The following RGS7 variants were observed in gnomAD, a reference collection of about 807,000 sequenced individuals.
RGS7 encodes the protein regulator of G-protein signaling 7.
In RGS7, 27 loss-of-function variants were observed where a neutral mutation model predicts 81.1. The observed-to-expected ratio is 0.33, with a 90% confidence interval of 0.25 to 0.46. RGS7 has a LOEUF of 0.46. Among genes scored for constraint, RGS7 ranks in the 20% least tolerant of loss-of-function variants. The pLI is 1.00. For synonymous variants in RGS7, 208 were observed against 207.7 expected (o/e 1.00, Z -0.01); for missense variants, 396 against 607.4 (o/e 0.65, Z 3.66).
intron 2 of RGS7, among the ~76,000 whole-genome samples, chr1:241,255,363 T>C (rs2077011768): frequency 1.3e-5 from 2 of 152,192 alleles, no homozygotes; most frequent in Admixed American, 6.5e-5. Context: ...TTCCAACTCA[T>C]CATTGACAGG....
chr1:240,971,119 T>G (rs1165902826), intron 4 of RGS7, among the ~76,000 whole-genome samples: 1 of 152,192 alleles, frequency 6.6e-6, no homozygotes, highest in Non-Finnish European at 1.5e-5. Flanking sequence ...ACAGCCCTTA[T>G]GAATGGAATT....
At chr1:240,895,040 A>G (rs951122526) in intron 6 of RGS7, among the ~76,000 whole-genome samples, 1 of 152,128 alleles carries the variant, frequency 6.6e-6, no homozygotes, top group African/African-American at 2.4e-5. Context: ...GGGCTGTCCC[A>G]TGATAGTGAG....
At chr1:240,928,604 A>ATT (rs769378768) in intron 6 of RGS7, among the ~76,000 whole-genome samples, 15 of 134,920 alleles carry the variant, frequency 1.1e-4, no homozygotes, top group South Asian at 7.0e-4. Context: ...TTTCTTTATA[A>ATT]TTTTTTTTTT....
intron 4 of RGS7, among the ~76,000 whole-genome samples, chr1:240,982,749 G>T (rs945984509): frequency 3.9e-5 from 6 of 152,266 alleles, no homozygotes; most frequent in African/African-American, 1.4e-4. Context: ...TAGAAGGAAA[G>T]TTCATTAATT....
At chr1:241,269,085 G>A (rs1431927476) in intron 2 of RGS7, among the ~76,000 whole-genome samples, 2 of 152,166 alleles carry the variant, frequency 1.3e-5, no homozygotes, top group African/African-American at 2.4e-5. Context: ...GAGTGATATT[G>A]ATCACTTATA....
intron 12 of RGS7, among the ~76,000 whole-genome samples, chr1:240,814,308 T>C (rs1188806411): frequency 1.3e-5 from 2 of 152,234 alleles, no homozygotes; most frequent in Non-Finnish European, 2.9e-5. Flanking sequence ...TTGAGTTTCA[T>C]TCATATTCTG....
intron 2 of RGS7, among the ~76,000 whole-genome samples, chr1:241,247,236 C>A (rs1375744459): frequency 6.6e-6 from 1 of 152,096 alleles, no homozygotes; most frequent in Non-Finnish European, 1.5e-5. Context: ...TTGAATCAAG[C>A]CTTTAATTTG....
At chr1:241,105,707 A>G (rs1158567819) in intron 2 of RGS7, among the ~76,000 whole-genome samples, 1 of 152,236 alleles carries the variant, frequency 6.6e-6, no homozygotes, top group African/African-American at 2.4e-5. Flanking sequence ...CATTAAGCCA[A>G]TCGCTTTACA....
chr1:240,801,401 G>T, intron 17 of RGS7, 54 bp downstream of exon 17: 3 of 1,231,776 alleles, frequency 2.4e-6, no homozygotes, highest in Non-Finnish European at 3.5e-6. Flanking sequence ...TAGGGAAATT[G>T]GAAAAATTTC....
At position 241,327,017 on chromosome 1, in the gene RGS7, A is replaced by AG. The variant is rs1270772364; in HGVS notation, c.78+28681dup. On this transcript the variant is annotated intron_variant, in intron 2 of 18. Transcript: ENST00000440928. ...GAAGAAGGAAGGAAGGAAGGAAGGAAGGAAGGAAGGAAGGAAGGAAGGGAG... is the reference window on the plus strand; with the variant it reads ...GAAGAAGGAAGGAAGGAAGGAAGGAAGGGAAGGAAGGAAGGAAGGAAGGGAG... 1.8e-3 allele frequency among the ~76,000 whole-genome samples: 18 copies of AG among 10,252 alleles called. 2 individuals are homozygous for AG. Among genetic ancestry groups the AG allele is most frequent in the Non-Finnish European group, 3.4e-3 (12 of 3,496 alleles). 6.7% of individuals were successfully genotyped at this position (10,252 alleles called of 152,430 possible).
At chr1:240,939,290 GAT>G (rs1677160741) in intron 4 of RGS7, among the ~76,000 whole-genome samples, 1 of 152,142 alleles carries the variant, frequency 6.6e-6, no homozygotes, top group African/African-American at 2.4e-5. Flanking sequence ...TGAAGTGATA[GAT>G]ATGTTAATTA....
At position 241,355,740 on chromosome 1, in the gene RGS7, CG is replaced by C; in HGVS notation, c.36del (p.Asn12LysfsTer20). The C allele has an allele frequency of 6.2e-7, 1 of 1,614,144 alleles. No homozygotes were observed. The highest frequency in any genetic ancestry group is 8.5e-7 in the Non-Finnish European group (1 of 1,180,026). On this transcript the variant is annotated frameshift_variant, in exon 2 of 19. Transcript: ENST00000440928. LOFTEE classifies it high-confidence loss of function. ...ATGTTGGGTGATTCATCGGCCACCC[CG>C]TTGCTGGTCTGCCCATAATTATTCC... ...AQGNNYGQTSNGVADESPNML... is the reference protein window; with the variant it reads ...AQGNNYGQTSXGVADESPNML...
rs567492434 is a variant in RGS7, at chr1:240,929,122, C to T, written c.385+1595G>A. Among the ~76,000 whole-genome samples, 62 of 152,286 alleles carry T rather than the reference C, an allele frequency of 4.1e-4. 2 individuals are homozygous for T. Among genetic ancestry groups the T allele is most frequent in the Admixed American group, 2.8e-3 (43 of 15,306 alleles). Reference sequence around the variant, plus strand: ...CAAACTTAGGCTCAGAGATATTGCACGCCTAAAGTCACACAGTTGGTATGT... The same window carrying T: ...CAAACTTAGGCTCAGAGATATTGCATGCCTAAAGTCACACAGTTGGTATGT... On this transcript the variant is annotated intron_variant, in intron 6 of 18. Transcript: ENST00000440928.
At chr1:241,180,270 GA>G (rs1182332724) in intron 2 of RGS7, among the ~76,000 whole-genome samples, 2 of 152,102 alleles carry the variant, frequency 1.3e-5, no homozygotes, top group Non-Finnish European at 2.9e-5. Context: ...AGCTACTCGG[GA>G]GGCTGAGGCA....
intron 2 of RGS7, among the ~76,000 whole-genome samples, chr1:241,260,816 G>C (rs773300461): frequency 6.6e-6 from 1 of 151,050 alleles, no homozygotes. Context: ...GAAGGTGCTA[G>C]CAGATATCTA....
rs373204389 is a variant in RGS7, at chr1:240,945,632, G to C, written c.227-8926C>G. Among the ~76,000 whole-genome samples, 24 of 152,238 alleles carry C rather than the reference G, an allele frequency of 1.6e-4. 2 individuals carry two copies. The highest frequency in any genetic ancestry group is 4.6e-4 in the Admixed American group (7 of 15,290). ...GATAAGTCTAATTTCAAAGCCACAG[G>C]CTTGGTCACTGAAACAGTCACAGTT... On this transcript the variant is annotated intron_variant, in intron 4 of 18. Transcript: ENST00000440928.
intron 2 of RGS7, among the ~76,000 whole-genome samples, chr1:241,298,317 G>A (rs2079542358): frequency 6.6e-6 from 1 of 152,206 alleles, no homozygotes; most frequent in Non-Finnish European, 1.5e-5. Flanking sequence ...TTAGAAGCTA[G>A]GAGGAGACCA....
intron 2 of RGS7, among the ~76,000 whole-genome samples, chr1:241,145,722 C>T (rs1048603144): frequency 2.6e-5 from 4 of 151,882 alleles, no homozygotes; most frequent in Non-Finnish European, 5.9e-5. Context: ...CTAGCCTGGG[C>T]GACAGAGTGA....
At chr1:240,995,906 T>C (rs555403402) in intron 3 of RGS7, among the ~76,000 whole-genome samples, 1 of 152,220 alleles carries the variant, frequency 6.6e-6, no homozygotes, top group African/African-American at 2.4e-5. Flanking sequence ...GTTTAGATGA[T>C]TGATTTGGAA....
Sources: gnomAD v4.1 joint callset for allele counts (sites outside exome capture counted in the v4.1 genomes callset) on GRCh38, gnomAD v4.1.1 for gene constraint, MANE v1.5 for transcripts, NCBI Gene and HGNC (gene_info 2026-07-23, HGNC 2026-07-21) for gene names.